Variants in STXBP5L observed in about 807,000 individuals in gnomAD.
STXBP5L encodes syntaxin binding protein 5L.
Under a neutral mutation model 144.5 loss-of-function variants are expected in STXBP5L, and 65 were observed. The ratio of observed to expected loss-of-function variants is 0.45; its 90% CI spans 0.37 to 0.55. STXBP5L has a LOEUF of 0.55. Among genes scored for constraint, STXBP5L ranks in the 20% least tolerant of loss-of-function variants. The probability of loss-of-function intolerance (pLI) is 0.00; values close to 1 mark genes in which losing one functional copy is unlikely to be tolerated. For missense variants in STXBP5L, 1,298 were observed against 1,405.5 expected, an observed-to-expected ratio of 0.92 and a Z score of 1.22; for synonymous variants, 505 against 469.6, an observed-to-expected ratio of 1.08 and a Z score of -0.97.
At position 121,293,287 on chromosome 3, in the gene STXBP5L, A is replaced by C. The variant is rs562082985; in HGVS notation, c.2110+13331A>C. ...AATGAAAAGCAATGCATAGTGACAG[A>C]AAGCAGATTAGTAATTGCCTGGGAA... On this transcript the variant is annotated intron_variant, in intron 19 of 26. Transcript: ENST00000471454. 1.1e-4 allele frequency among the ~76,000 whole-genome samples: 17 copies of C among 152,284 alleles called. No homozygotes were observed. In the South Asian group the frequency reaches 3.3e-3, roughly 30 times the overall value.
intron 18 of STXBP5L, among the ~76,000 whole-genome samples, chr3:121,278,953 A>C (rs933063999): frequency 6.6e-6 from 1 of 151,650 alleles, no homozygotes; most frequent in African/African-American, 2.4e-5. Flanking sequence ...AGTGGAAAGA[A>C]CCATTTTAAG....
chr3:121,395,767 G>A (rs2046713571), intron 22 of STXBP5L, among the ~76,000 whole-genome samples: 1 of 152,202 alleles, frequency 6.6e-6, no homozygotes, highest in African/African-American at 2.4e-5. Context: ...ATTGTGAGTG[G>A]TTGTCCCGCT....
intron 14 of STXBP5L, among the ~76,000 whole-genome samples, chr3:121,249,800 T>G (rs1261196972): frequency 6.6e-6 from 1 of 152,238 alleles, no homozygotes; most frequent in African/African-American, 2.4e-5. Flanking sequence ...TCTTTCATTA[T>G]TATGTATGTT....
intron 19 of STXBP5L, among the ~76,000 whole-genome samples, chr3:121,296,004 A>G (rs562465540): frequency 1.3e-5 from 2 of 152,320 alleles, no homozygotes; most frequent in South Asian, 2.1e-4. Flanking sequence ...ACAGGTGTAT[A>G]TTTTTAAGTT....
chr3:120,984,812 G>A (rs1316691358), intron 3 of STXBP5L, among the ~76,000 whole-genome samples: 2 of 151,666 alleles, frequency 1.3e-5, no homozygotes, highest in Non-Finnish European at 2.9e-5. Flanking sequence ...TTCACATATA[G>A]CCTTTATCGT....
chr3:121,233,232 C>T (rs1325227399), intron 11 of STXBP5L, among the ~76,000 whole-genome samples: 1 of 152,140 alleles, frequency 6.6e-6, no homozygotes, highest in Non-Finnish European at 1.5e-5. Context: ...AGCAGAGATA[C>T]TATTCCCTCA....
At chr3:121,208,939 C>G (rs147826331) in intron 10 of STXBP5L, among the ~76,000 whole-genome samples, 2,413 of 152,118 alleles carry the variant, frequency 0.016, 34 homozygotes, top group Non-Finnish European at 0.028. Flanking sequence ...CCCCAACAGG[C>G]CACGGTGTGT....
At chr3:121,088,145 T>A in intron 5 of STXBP5L, among the ~76,000 whole-genome samples, 1 of 149,148 alleles carries the variant, frequency 6.7e-6, no homozygotes, top group East Asian at 2.0e-4. Context: ...ACCATCAGAG[T>A]GAACAGGCAA....
At chr3:121,129,775 G>A (rs916695494) in intron 7 of STXBP5L, among the ~76,000 whole-genome samples, 1 of 151,882 alleles carries the variant, frequency 6.6e-6, no homozygotes, top group African/African-American at 2.4e-5. Context: ...CCTATGTAAT[G>A]CTAACTGGAT....
At chr3:121,409,355 T>C (rs1280920496) in intron 23 of STXBP5L, among the ~76,000 whole-genome samples, 2 of 151,748 alleles carry the variant, frequency 1.3e-5, no homozygotes, top group Admixed American at 1.3e-4. Context: ...CAAAAGAGGT[T>C]GTCAAGAGGT....
At chr3:121,393,103 T>A (rs570293832) in intron 22 of STXBP5L, among the ~76,000 whole-genome samples, 1 of 152,104 alleles carries the variant, frequency 6.6e-6, no homozygotes, top group Non-Finnish European at 1.5e-5. Flanking sequence ...ATTTTTTTAT[T>A]TTTTATTAAT....
chr3:121,240,300 CAGCT>C, intron 13 of STXBP5L, 136 bp from the exon 14 acceptor site: 1 of 666,140 alleles, frequency 1.5e-6, no homozygotes, highest in Non-Finnish European at 2.5e-6. Flanking sequence ...AATTAAAAGA[CAGCT>C]ACACACTTCA....
intron 5 of STXBP5L, among the ~76,000 whole-genome samples, chr3:121,098,713 C>T (rs79000053): frequency 0.12 from 18,235 of 152,160 alleles, 1,147 homozygotes; most frequent in Non-Finnish European, 0.14. Flanking sequence ...TGGCCTGCTC[C>T]ACTTGCATCT....
At chr3:121,321,380 T>C (rs903494532) in intron 20 of STXBP5L, among the ~76,000 whole-genome samples, 2 of 152,264 alleles carry the variant, frequency 1.3e-5, no homozygotes, top group African/African-American at 4.8e-5. Context: ...ACTGATTTCA[T>C]TCATTTTCCA....
At chr3:121,414,268 C>T (rs2047184753) in intron 24 of STXBP5L, among the ~76,000 whole-genome samples, 1 of 152,048 alleles carries the variant, frequency 6.6e-6, no homozygotes, top group African/African-American at 2.4e-5. Context: ...AATCACACTA[C>T]TCTGTGGAAA....
At chr3:121,154,195 A>G (rs1035825765) in intron 8 of STXBP5L, among the ~76,000 whole-genome samples, 10 of 151,984 alleles carry the variant, frequency 6.6e-5, no homozygotes, top group African/African-American at 2.2e-4. Context: ...GACATCTGAT[A>G]TATGTATGTA....
intron 3 of STXBP5L, among the ~76,000 whole-genome samples, chr3:120,978,706 T>A (rs1012772989): frequency 1.3e-5 from 2 of 152,282 alleles, no homozygotes; most frequent in African/African-American, 4.8e-5. Flanking sequence ...ATGATGGTGA[T>A]GTACAGATGG....
rs528361278 is a variant in STXBP5L, at chr3:120,980,511, A to C, written c.287+25474A>C. ...TTTAAAATCTATTTTATCTGGTGTA[A>C]GTATAGCTATTCCTGCTCATTTTTG... On this transcript the variant is annotated intron_variant, in intron 3 of 26. Transcript: ENST00000471454. Among the ~76,000 whole-genome samples the C allele has an allele frequency of 4.6e-5, 7 of 151,420 alleles. No homozygotes were observed. The South Asian group carries it at 1.5e-3, about 32-fold the overall frequency.
chr3:121,024,048 G>A (rs188424593), intron 3 of STXBP5L, among the ~76,000 whole-genome samples: 7 of 151,972 alleles, frequency 4.6e-5, no homozygotes, highest in Non-Finnish European at 8.8e-5. Flanking sequence ...ATGAGCCACC[G>A]TGCCTGGCCT....
Sources: allele counts gnomAD v4.1 joint callset (sites outside exome capture counted in the v4.1 genomes callset), GRCh38; gene constraint gnomAD v4.1.1; transcripts MANE v1.5; gene names NCBI Gene and HGNC (gene_info 2026-07-23, HGNC 2026-07-21).